ST6GALNAC5: variants seen among roughly 807,000 people sequenced by gnomAD.
ST6GALNAC5 encodes the protein ST6 N-acetylgalactosaminide alpha-2,6-sialyltransferase 5, also known as alpha-N-acetylgalactosaminide alpha-2,6-sialyltransferase 5.
ST6GALNAC5 carries 27 observed loss-of-function variants against 33.6 expected under a neutral mutation model. The ratio of observed to expected loss-of-function variants is 0.80; its 90% confidence interval spans 0.59 to 1.11. The LOEUF is 1.11. Ranked by LOEUF, ST6GALNAC5 falls within the 50% of genes least tolerant of loss-of-function variation. The pLI is 0.00. For missense variants in ST6GALNAC5, 428 were observed against 454.0 expected, an observed-to-expected ratio of 0.94 and a Z score of 0.52; for synonymous variants, 194 against 171.2, an observed-to-expected ratio of 1.13 and a Z score of -1.04.
chr1:76,880,854 C>A (rs997675502), intron 2 of ST6GALNAC5, among the ~76,000 whole-genome samples: 3 of 152,128 alleles, frequency 2.0e-5, no homozygotes, highest in African/African-American at 7.2e-5. Context: ...ATTGTGTTGA[C>A]CACAAGACAG....
In ST6GALNAC5 at chr1:76,911,085, G is replaced by A. The variant is rs529624770; in HGVS notation, c.261+42343G>A. Among the ~76,000 whole-genome samples, 4 of 152,136 alleles carry A rather than the reference G, an allele frequency of 2.6e-5. No homozygotes were observed. The South Asian group carries it at 6.2e-4, about 24-fold the overall frequency. Reference sequence around the variant, plus strand: ...TCAGGAAAAACTTCAGGCTGATACTGCTAAGATTTTAACACATTTATAAAA... The same window carrying A: ...TCAGGAAAAACTTCAGGCTGATACTACTAAGATTTTAACACATTTATAAAA... On this transcript the variant is annotated intron_variant, in intron 2 of 4. Coordinates refer to ENST00000477717, the MANE Select transcript of ST6GALNAC5 (RefSeq NM_030965.3).
At chr1:76,953,742 A>G (rs1233247694) in intron 2 of ST6GALNAC5, among the ~76,000 whole-genome samples, 2 of 152,092 alleles carry the variant, frequency 1.3e-5, no homozygotes, top group Non-Finnish European at 2.9e-5. Flanking sequence ...TACATCCTGA[A>G]TATTTTCACT....
At chr1:76,945,593 AT>A (rs1280268833) in intron 2 of ST6GALNAC5, among the ~76,000 whole-genome samples, 2 of 152,084 alleles carry the variant, frequency 1.3e-5, no homozygotes, top group African/African-American at 4.8e-5. Flanking sequence ...CATCTTTTTA[AT>A]TTGTAGAGGA....
Position 76,979,126 on chromosome 1 carries a change from C to CA in ST6GALNAC5, c.262-65070dup, listed in dbSNP as rs377247576. ...TGGATGAAAGAAATTGAATAAGACA[C>CA]AAAAAAAATGGAAAGGTAACATGTG... On this transcript the variant is annotated intron_variant, in intron 2 of 4. Transcript: ENST00000477717. Among the ~76,000 whole-genome samples, 545 of 150,772 alleles carry CA rather than the reference C, an allele frequency of 3.6e-3. 2 individuals are homozygous for CA. Among genetic ancestry groups the CA allele is most frequent in the African/African-American group, 0.011 (450 of 41,134 alleles).
intron 2 of ST6GALNAC5, among the ~76,000 whole-genome samples, chr1:76,908,600 T>A (rs1047151346): frequency 3.3e-5 from 5 of 152,170 alleles, no homozygotes; most frequent in African/African-American, 1.2e-4. Context: ...GGCTACTTTA[T>A]AACATCCACT....
chr1:76,962,358 G>A (rs545381790), intron 2 of ST6GALNAC5, among the ~76,000 whole-genome samples: 1 of 152,252 alleles, frequency 6.6e-6, no homozygotes, highest in Non-Finnish European at 1.5e-5. Context: ...TAAATGTCAA[G>A]CCACTCACAG....
chr1:77,009,329 T>G (rs759461400), intron 2 of ST6GALNAC5, among the ~76,000 whole-genome samples: 3 of 152,094 alleles, frequency 2.0e-5, no homozygotes, highest in Non-Finnish European at 4.4e-5. Flanking sequence ...AACAGGAGTT[T>G]CATGAGGTAA....
chr1:77,051,617 T>A (rs1361756912), intron 4 of ST6GALNAC5, among the ~76,000 whole-genome samples: 1 of 152,208 alleles, frequency 6.6e-6, no homozygotes, highest in East Asian at 1.9e-4. Flanking sequence ...CTTGGAACAG[T>A]GCCTAGTAAG....
At chr1:76,914,923 A>C (rs1461991120) in intron 2 of ST6GALNAC5, among the ~76,000 whole-genome samples, 32 of 152,178 alleles carry the variant, frequency 2.1e-4, no homozygotes, top group Non-Finnish European at 3.8e-4. Flanking sequence ...AATGGGAGAA[A>C]ATTTTTGCAA....
intron 2 of ST6GALNAC5, among the ~76,000 whole-genome samples, chr1:76,999,759 C>A (rs1317818065): frequency 2.1e-5 from 3 of 145,436 alleles, no homozygotes; most frequent in East Asian, 2.0e-4. Flanking sequence ...TTTGTTCTTG[C>A]GATAGTTTAC....
At chr1:77,009,549 A>G in intron 2 of ST6GALNAC5, among the ~76,000 whole-genome samples, 1 of 152,120 alleles carries the variant, frequency 6.6e-6, no homozygotes, top group East Asian at 1.9e-4. Flanking sequence ...AGTGAAAGGC[A>G]AACTTTTCAG....
intron 2 of ST6GALNAC5, among the ~76,000 whole-genome samples, chr1:77,027,411 A>T (rs1651287668): frequency 6.6e-6 from 1 of 152,128 alleles, no homozygotes; most frequent in Non-Finnish European, 1.5e-5. Context: ...GTGTGTTGAA[A>T]ACTGTGCCAA....
At chr1:76,910,573 TCAAA>T (rs1646901316) in intron 2 of ST6GALNAC5, among the ~76,000 whole-genome samples, 1 of 152,178 alleles carries the variant, frequency 6.6e-6, no homozygotes, top group South Asian at 2.1e-4. Context: ...TGATGACTGC[TCAAA>T]CACTTATAAA....
chr1:76,912,431 T>A (rs1646923913), intron 2 of ST6GALNAC5, among the ~76,000 whole-genome samples: 1 of 152,214 alleles, frequency 6.6e-6, no homozygotes, highest in African/African-American at 2.4e-5. Flanking sequence ...TCTGTAGATG[T>A]CTATTAGGTC....
At position 76,978,653 on chromosome 1, in the gene ST6GALNAC5, A is replaced by G. The variant is rs546770405; in HGVS notation, c.262-65551A>G. The stretch of plus-strand genomic sequence containing the variant: ...AACACAGTAAAGGCCACATAGGACA[A>G]ATTCATAGCTAACATCATACTGAAC... On this transcript the variant is annotated intron_variant, in intron 2 of 4. Coordinates refer to ENST00000477717, the MANE Select transcript of ST6GALNAC5 (RefSeq NM_030965.3). 8.7e-4 allele frequency among the ~76,000 whole-genome samples: 132 copies of G among 152,362 alleles called. 1 individual carries two copies. Among genetic ancestry groups the G allele is most frequent in the Non-Finnish European group, 1.5e-3 (100 of 68,024 alleles).
intron 2 of ST6GALNAC5, among the ~76,000 whole-genome samples, chr1:77,014,174 T>C (rs1421254997): frequency 6.6e-6 from 1 of 152,196 alleles, no homozygotes; most frequent in Non-Finnish European, 1.5e-5. Context: ...CACATAATCC[T>C]CTAACCTTTT....
At chr1:76,925,905 A>G (rs1376917198) in intron 2 of ST6GALNAC5, among the ~76,000 whole-genome samples, 2 of 152,182 alleles carry the variant, frequency 1.3e-5, no homozygotes, top group East Asian at 3.9e-4. Flanking sequence ...TCCATAAGCC[A>G]GCAACACTGA....
At chr1:77,022,618 C>G (rs1421977256) in intron 2 of ST6GALNAC5, among the ~76,000 whole-genome samples, 1 of 152,100 alleles carries the variant, frequency 6.6e-6, no homozygotes, top group South Asian at 2.1e-4. Context: ...CACTATGGAC[C>G]AGTAAAGTTT....
intron 2 of ST6GALNAC5, among the ~76,000 whole-genome samples, chr1:76,910,518 G>A (rs1308862001): frequency 6.6e-6 from 1 of 152,124 alleles, no homozygotes; most frequent in Admixed American, 6.6e-5. Flanking sequence ...GTTTTTGACT[G>A]TTCTAACTCA....
Sources: gnomAD v4.1 joint callset for allele counts (sites outside exome capture counted in the v4.1 genomes callset) on GRCh38, gnomAD v4.1.1 for gene constraint, MANE v1.5 for transcripts, NCBI Gene and HGNC (gene_info 2026-07-23, HGNC 2026-07-21) for gene names.